The following EEA1 variants were observed in gnomAD, a reference collection of about 807,000 sequenced individuals.
EEA1 encodes early endosome antigen 1, also known as early endosome antigen 1, 162kD.
In EEA1, 111 loss-of-function variants were observed where a neutral mutation model predicts 209.2. The ratio of observed to expected loss-of-function variants is 0.53; its 90% CI spans 0.45 to 0.62. The LOEUF is 0.62. EEA1 is among the 20% of genes least tolerant of loss of function. The pLI is 0.00. For synonymous variants in EEA1, 536 were observed against 540.6 expected, an observed-to-expected ratio of 0.99 and a Z score of 0.12; for missense variants, 1,343 against 1,530.8, an observed-to-expected ratio of 0.88 and a Z score of 2.05.
chr12:92,929,185 G>A lies in EEA1; in HGVS notation c.-119C>T. On this transcript the variant is annotated 5_prime_UTR_variant, in exon 1 of 29. Coordinates refer to ENST00000322349, the MANE Select transcript of EEA1 (RefSeq NM_003566.4). ...CGGGAGGGGACCGGGAAGGAGGTCG[G>A]GGCGAGGCGGTGGCGACGGCCGCTC... 6 of 1,086,774 alleles carry A rather than the reference G, an allele frequency of 5.5e-6. No homozygotes were observed. In the South Asian group the frequency reaches 7.9e-5, roughly 14 times the overall value. 67.3% of individuals were successfully genotyped at this position (1,086,774 alleles called of 1,614,324 possible).
chr12:92,854,985 C>A (rs1441385453), intron 5 of EEA1, among the ~76,000 whole-genome samples: 1 of 152,180 alleles, frequency 6.6e-6, no homozygotes, highest in African/African-American at 2.4e-5. Context: ...CGAAGAAAAT[C>A]TCTCTTTGGC....
At chr12:92,851,058 A>C (rs748433338) in intron 9 of EEA1, 53 bp downstream of exon 9, 2 of 1,568,124 alleles carry the variant, frequency 1.3e-6, no homozygotes, top group Non-Finnish European at 1.7e-6. Context: ...ACTCAATAGT[A>C]TACACTACAC....
chr12:92,899,418 C>T (rs1221383473), intron 1 of EEA1, among the ~76,000 whole-genome samples: 1 of 152,204 alleles, frequency 6.6e-6, no homozygotes, highest in East Asian at 1.9e-4. Context: ...CCTGCCTCAG[C>T]GTGGTCGCTG....
At chr12:92,904,119 C>CG (rs1880269649) in intron 1 of EEA1, among the ~76,000 whole-genome samples, 1 of 151,900 alleles carries the variant, frequency 6.6e-6, no homozygotes, top group Non-Finnish European at 1.5e-5. Context: ...TGCACCACCA[C>CG]CCCGGCTAAT....
chr12:92,901,762 T>A (rs574641972), intron 1 of EEA1, among the ~76,000 whole-genome samples: 1 of 151,492 alleles, frequency 6.6e-6, no homozygotes, highest in South Asian at 2.1e-4. Context: ...AGAAACGGGG[T>A]TTTTCCATGT....
chr12:92,788,268 AT>A (rs377183324), intron 21 of EEA1, among the ~76,000 whole-genome samples: 3,115 of 146,300 alleles, frequency 0.021, 96 homozygotes, highest in African/African-American at 0.066. Context: ...AAAGTAATTA[AT>A]TTTTTTTTTT....
At chr12:92,841,346 A>C (rs1002486308) in intron 10 of EEA1, among the ~76,000 whole-genome samples, 1 of 152,280 alleles carries the variant, frequency 6.6e-6, no homozygotes, top group Non-Finnish European at 1.5e-5. Flanking sequence ...CATAAGACCT[A>C]AAAATTAGAA....
Position 92,772,609 on chromosome 12 carries a change from GCTGT to G in EEA1, c.*3398_*3401del, listed in dbSNP as rs1257750958. On this transcript the variant is annotated 3_prime_UTR_variant, in exon 29 of 29. Coordinates refer to ENST00000322349, the MANE Select transcript of EEA1 (RefSeq NM_003566.4). Reference sequence around the variant, plus strand: ...CATTGTTCTTTATACAGATTTAAATGCTGTCACGTACTTTATCAGTTACATTTAT... The same window carrying G: ...CATTGTTCTTTATACAGATTTAAATGCACGTACTTTATCAGTTACATTTAT... The G allele has an allele frequency of 6.6e-6, 1 of 152,104 alleles. No individual in the cohort carries two copies. Among genetic ancestry groups the G allele is most frequent in the Non-Finnish European group, 1.5e-5 (1 of 67,736 alleles). 9.4% of individuals were successfully genotyped at this position (152,104 alleles called of 1,614,324 possible).
chr12:92,786,354 G>C (rs929833818), intron 22 of EEA1, among the ~76,000 whole-genome samples: 2 of 152,098 alleles, frequency 1.3e-5, no homozygotes, highest in Non-Finnish European at 2.9e-5. Context: ...ACTTTCAATA[G>C]TGTTGTAAGG....
chr12:92,925,601 T>A (rs941282376), intron 1 of EEA1, among the ~76,000 whole-genome samples: 2 of 152,336 alleles, frequency 1.3e-5, no homozygotes, highest in Admixed American at 6.5e-5. Flanking sequence ...TTTCTAACCA[T>A]CAAGTACTTT....
intron 1 of EEA1, among the ~76,000 whole-genome samples, chr12:92,900,253 T>C (rs1239484980): frequency 6.6e-6 from 1 of 152,174 alleles, no homozygotes; most frequent in South Asian, 2.1e-4. Flanking sequence ...CCTCGACTTA[T>C]CTAAAGGCAT....
intron 5 of EEA1, 95 bp downstream of exon 5, chr12:92,857,180 G>T: frequency 1.2e-6 from 1 of 863,590 alleles, no homozygotes; most frequent in Non-Finnish European, 1.7e-6. Flanking sequence ...ATTTATATCA[G>T]GCCGCCACCT....
rs1248956600 is a variant in EEA1 at position 92,806,093 on chromosome 12, A to G, written c.2339+2924T>C. 3.3e-5 allele frequency among the ~76,000 whole-genome samples: 5 copies of G among 152,202 alleles called. No individual in the cohort carries two copies. The East Asian group carries it at 9.6e-4, about 29-fold the overall frequency. ...TGAAAAAAAGAAACAGATACTACAA[A>G]ATGTAGACAGACACAGTGACGCTTT... On this transcript the variant is annotated intron_variant, in intron 18 of 28. Coordinates refer to ENST00000322349, the MANE Select transcript of EEA1 (RefSeq NM_003566.4).
At chr12:92,799,750 G>A (rs1874819850) in intron 20 of EEA1, among the ~76,000 whole-genome samples, 1 of 151,860 alleles carries the variant, frequency 6.6e-6, no homozygotes, top group Non-Finnish European at 1.5e-5. Context: ...TCGTGCCACT[G>A]CACTCCAGCC....
rs140002812 is a variant in EEA1 at position 92,908,831 on chromosome 12, A to C, written c.25-17110T>G. ...GAATTATCATTTGGGTTTTTGTTTC[A>C]TTTTTTTCCTGAGACAGAGTCTGGC... is the stretch of plus-strand genomic sequence containing the variant. On this transcript the variant is annotated intron_variant, in intron 1 of 28. Transcript: ENST00000322349. 2.3e-3 allele frequency among the ~76,000 whole-genome samples: 350 copies of C among 152,136 alleles called. 3 individuals carry two copies. The highest frequency in any genetic ancestry group is 7.8e-3 in the African/African-American group (323 of 41,530).
intron 2 of EEA1, among the ~76,000 whole-genome samples, chr12:92,886,009 G>A (rs1008136331): frequency 3.9e-5 from 6 of 152,134 alleles, no homozygotes; most frequent in South Asian, 2.1e-4. Flanking sequence ...AAGCCATTAC[G>A]AGTGACATCC....
chr12:92,925,278 G>A (rs895906119), intron 1 of EEA1, among the ~76,000 whole-genome samples: 5 of 151,480 alleles, frequency 3.3e-5, no homozygotes, highest in South Asian at 2.1e-4. Context: ...GCAGTGGCAC[G>A]ATCTTGGCTC....
intron 1 of EEA1, among the ~76,000 whole-genome samples, chr12:92,921,034 C>G (rs893992200): frequency 2.6e-5 from 4 of 151,962 alleles, no homozygotes; most frequent in African/African-American, 9.7e-5. Context: ...AAATGCAAAT[C>G]AAAACCACAA....
intron 2 of EEA1, among the ~76,000 whole-genome samples, chr12:92,890,794 C>CA (rs1879629051): frequency 6.6e-6 from 1 of 151,920 alleles, no homozygotes; most frequent in African/African-American, 2.4e-5. Flanking sequence ...CACATGGAGA[C>CA]AAAAAATAAA....
Sources: gnomAD v4.1 joint callset for allele counts (sites outside exome capture counted in the v4.1 genomes callset) on GRCh38, gnomAD v4.1.1 for gene constraint, MANE v1.5 for transcripts, NCBI Gene and HGNC (gene_info 2026-07-23, HGNC 2026-07-21) for gene names.